SORCS1: variants seen among roughly 807,000 people sequenced by gnomAD.
SORCS1 encodes sortilin related VPS10 domain containing receptor 1.
In SORCS1, 60 loss-of-function variants were observed where a neutral mutation model predicts 146.1. The observed-to-expected ratio is 0.41, with a 90% CI of 0.33 to 0.51. The LOEUF (loss-of-function observed/expected upper bound fraction) is 0.51. SORCS1 is among the 20% of genes least tolerant of loss of function. The probability of loss-of-function intolerance (pLI) is 0.21; values close to 1 mark genes in which losing one functional copy is unlikely to be tolerated. For synonymous variants in SORCS1, 637 were observed against 584.0 expected (o/e 1.09, Z -1.31); for missense variants, 1,352 against 1,487.6 (o/e 0.91, Z 1.50).
intron 2 of SORCS1, among the ~76,000 whole-genome samples, chr10:106,860,939 G>A (rs1286406207): frequency 6.6e-6 from 1 of 152,176 alleles, no homozygotes; most frequent in African/African-American, 2.4e-5. Context: ...CCCCAGTTGT[G>A]AATGCACTGT....
intron 6 of SORCS1, among the ~76,000 whole-genome samples, chr10:106,712,258 G>A (rs75810535): frequency 0.076 from 11,589 of 152,232 alleles, 591 homozygotes; most frequent in Non-Finnish European, 0.11. Context: ...TAGGAATTAG[G>A]GGGTGTAAGG....
intron 18 of SORCS1, among the ~76,000 whole-genome samples, chr10:106,634,630 A>G (rs895535387): frequency 3.9e-5 from 6 of 152,054 alleles, no homozygotes. Flanking sequence ...ATAAAGCATT[A>G]TTTTCTTTTC....
At chr10:106,833,669 G>C (rs1035203092) in intron 2 of SORCS1, among the ~76,000 whole-genome samples, 3 of 152,154 alleles carry the variant, frequency 2.0e-5, no homozygotes, top group African/African-American at 7.2e-5. Context: ...CCAGCACCAA[G>C]ACCAACACAC....
chr10:107,136,487 T>C (rs535852168), intron 1 of SORCS1, among the ~76,000 whole-genome samples: 103 of 152,274 alleles, frequency 6.8e-4, no homozygotes, highest in African/African-American at 2.3e-3. Flanking sequence ...GTAAAGGGTC[T>C]TGGAGACCTC....
At chr10:106,977,773 G>A (rs1473242907) in intron 1 of SORCS1, among the ~76,000 whole-genome samples, 5 of 152,056 alleles carry the variant, frequency 3.3e-5, no homozygotes, top group African/African-American at 4.8e-5. Context: ...GAGATTATTT[G>A]TGCTGGAATA....
rs185448740 is a variant in SORCS1, at chr10:106,794,565, C to A, written c.727-17873G>T. 4.7e-3 allele frequency among the ~76,000 whole-genome samples: 704 copies of A among 148,406 alleles called. 7 individuals carry two copies. Among genetic ancestry groups the A allele is most frequent in the African/African-American group, 0.017 (666 of 40,250 alleles). On this transcript the variant is annotated intron_variant, in intron 3 of 25. Transcript: ENST00000263054. ...TCGCCCAGGCTGGAGTGCAGTGGCA[C>A]GATCTCGGCTCACTGCAAGCTGTGC...
chr10:106,688,167 A>G (rs1853008441), intron 10 of SORCS1, 25 bp downstream of exon 10: 1 of 1,609,320 alleles, frequency 6.2e-7, no homozygotes, highest in Admixed American at 1.7e-5. Context: ...TGTGTGAGGC[A>G]TTCTGCTTCA....
intron 8 of SORCS1, among the ~76,000 whole-genome samples, chr10:106,705,798 T>G (rs1409977649): frequency 6.6e-6 from 1 of 152,196 alleles, no homozygotes; most frequent in African/African-American, 2.4e-5. Context: ...TCTTCAGCAC[T>G]TCTGGAAAGA....
intron 1 of SORCS1, among the ~76,000 whole-genome samples, chr10:107,030,257 T>C (rs1287855675): frequency 6.6e-6 from 1 of 152,206 alleles, no homozygotes; most frequent in African/African-American, 2.4e-5. Context: ...CTGTCATTTA[T>C]TGAGAATGCC....
intron 9 of SORCS1, among the ~76,000 whole-genome samples, chr10:106,691,893 T>C (rs1281476009): frequency 1.3e-5 from 2 of 150,540 alleles, no homozygotes; most frequent in Admixed American, 1.3e-4. Flanking sequence ...ATGCTCTTTA[T>C]CATAAATTAA....
intron 3 of SORCS1, among the ~76,000 whole-genome samples, chr10:106,776,962 CTTTGT>C (rs1860484684): frequency 6.6e-6 from 1 of 152,146 alleles, no homozygotes; most frequent in Non-Finnish European, 1.5e-5. Flanking sequence ...TTAGGGGACT[CTTTGT>C]TTTATTTCCA....
chr10:107,150,185 C>G (rs1968664664), intron 1 of SORCS1, among the ~76,000 whole-genome samples: 1 of 152,204 alleles, frequency 6.6e-6, no homozygotes, highest in Non-Finnish European at 1.5e-5. Context: ...TCCCAGCGCT[C>G]AGCACAGTGC....
chr10:106,867,227 T>C (rs1950252270), intron 2 of SORCS1, among the ~76,000 whole-genome samples: 1 of 151,898 alleles, frequency 6.6e-6, no homozygotes, highest in African/African-American at 2.4e-5. Context: ...CCCATGAGGC[T>C]AACAGTAGAC....
chr10:106,761,759 A>C, intron 4 of SORCS1, 98 bp from the exon 5 acceptor site: 1 of 1,013,570 alleles, frequency 9.9e-7, no homozygotes, highest in Non-Finnish European at 1.5e-6. Context: ...ATAATACCCA[A>C]CATTTACTGA....
At chr10:107,170,056 A>G in the SORCS1 span, among the ~76,000 whole-genome samples, 1 of 152,214 alleles carries the variant, frequency 6.6e-6, no homozygotes, top group Non-Finnish European at 1.5e-5. Flanking sequence ...AAATAAGTTT[A>G]TTTAAAGATT....
chr10:106,735,163 T>C (rs938179447), intron 5 of SORCS1, among the ~76,000 whole-genome samples: 7 of 90,236 alleles, frequency 7.8e-5, no homozygotes, highest in Non-Finnish European at 1.8e-4. Flanking sequence ...AAAAAAAAAA[T>C]TCTTGACATA....
At chr10:106,840,856 TATATATA>T (rs1172131967) in intron 2 of SORCS1, among the ~76,000 whole-genome samples, 1 of 106,952 alleles carries the variant, frequency 9.3e-6, no homozygotes, top group Non-Finnish European at 1.9e-5. Flanking sequence ...TATATATATA[TATATATA>T]TTTTTTTTTT....
chr10:106,728,614 A>G (rs1458839687), intron 6 of SORCS1, among the ~76,000 whole-genome samples: 1 of 152,232 alleles, frequency 6.6e-6, no homozygotes, highest in African/African-American at 2.4e-5. Context: ...CTCATGGTAC[A>G]TGCATAGTAA....
Position 107,050,137 on chromosome 10 carries a change from A to C in SORCS1, c.559-93557T>G, listed in dbSNP as rs1260101882. Among the ~76,000 whole-genome samples, 3 of 152,212 alleles carry C rather than the reference A, an allele frequency of 2.0e-5. No homozygotes were observed. The East Asian group carries it at 5.8e-4, about 29-fold the overall frequency. On this transcript the variant is annotated intron_variant, in intron 1 of 25. Transcript: ENST00000263054. Reference sequence around the variant, plus strand: ...AACTTTAAAAATTAGCCTAAGGGGGAGATTCAGTCAAAACAGATATATTTG... The same window carrying C: ...AACTTTAAAAATTAGCCTAAGGGGGCGATTCAGTCAAAACAGATATATTTG...
Sources: allele counts gnomAD v4.1 joint callset (sites outside exome capture counted in the v4.1 genomes callset), GRCh38; gene constraint gnomAD v4.1.1; transcripts MANE v1.5; gene names NCBI Gene and HGNC (gene_info 2026-07-23, HGNC 2026-07-21).